Variants in SNX14 observed in about 807,000 individuals in gnomAD.
SNX14 encodes the protein sorting nexin 14, also known as sorting nexin-14.
In SNX14, 93 loss-of-function variants were observed where a neutral mutation model predicts 133.8. That is an observed-to-expected ratio of 0.70 (90% CI 0.59 to 0.83). The LOEUF is 0.83. Ranked by LOEUF, SNX14 falls within the 40% of genes least tolerant of loss-of-function variation. SNX14 has a pLI of 0.00. For missense variants in SNX14, 945 were observed against 1,094.9 expected, an observed-to-expected ratio of 0.86 and a Z score of 1.93; for synonymous variants, 368 against 365.6, an observed-to-expected ratio of 1.01 and a Z score of -0.07.
intron 1 of SNX14, among the ~76,000 whole-genome samples, chr6:85,575,690 T>A (rs768514145): frequency 1.3e-5 from 2 of 152,194 alleles, no homozygotes; most frequent in Non-Finnish European, 1.5e-5. Flanking sequence ...TTCAACAGAT[T>A]CTATGCAGCC....
chr6:85,556,776 G>C (rs2128132550), intron 7 of SNX14, among the ~76,000 whole-genome samples: 2 of 151,972 alleles, frequency 1.3e-5, no homozygotes, highest in African/African-American at 4.8e-5. Context: ...AAACTATGTT[G>C]AAAGTAAAAT....
At chr6:85,526,288 A>G (rs1214088365) in intron 20 of SNX14, 51 bp from the exon 21 acceptor site, 1 of 1,068,128 alleles carries the variant, frequency 9.4e-7, no homozygotes, top group African/African-American at 1.6e-5. Context: ...CTAGAGGAGT[A>G]GTCAAAACTG....
At chr6:85,572,395 G>T (rs1795928309) in intron 2 of SNX14, 21 bp from the exon 3 acceptor site, 3 of 1,558,156 alleles carry the variant, frequency 1.9e-6, no homozygotes, top group Non-Finnish European at 2.6e-6. Context: ...AAAATGAGAG[G>T]TGGTGGGGAG....
intron 1 of SNX14, among the ~76,000 whole-genome samples, chr6:85,592,068 C>A (rs1562033726): frequency 1.3e-5 from 2 of 152,116 alleles, no homozygotes; most frequent in Non-Finnish European, 2.9e-5. Context: ...TCATACTAAA[C>A]CTGTTAGTCT....
Position 85,513,821 on chromosome 6 carries a change from C to T in SNX14, c.2632G>A (p.Glu878Lys). ...KQKGAKQTFEEMMNYIPDLLV... is the reference protein window; with the variant it reads ...KQKGAKQTFEKMMNYIPDLLV... ...ACACCTGGAATGTAATTCATCATTT[C>T]TTCAAAAGTCTGTTTTGCTCCTTTT... The change falls in exon 26 of 29, where the codon GAA (glutamate) becomes AAA (lysine). Residue 878 changes from glutamate (E) to lysine (K), a missense_variant. Coordinates refer to ENST00000314673, the MANE Select transcript of SNX14 (RefSeq NM_153816.6). The T allele has an allele frequency of 6.2e-7, 1 of 1,612,106 alleles. No homozygotes were observed. Among genetic ancestry groups the T allele is most frequent in the Middle Eastern group, 1.7e-4 (1 of 6,050 alleles).
intron 16 of SNX14, 75 bp from the exon 17 acceptor site, chr6:85,536,999 A>T: frequency 7.8e-7 from 1 of 1,276,492 alleles, no homozygotes. Flanking sequence ...AACCATTATT[A>T]AAAAAAAGAA....
chr6:85,593,852 G>C lies in SNX14; in HGVS notation c.-134C>G. 2 of 1,491,754 alleles carry C rather than the reference G, an allele frequency of 1.3e-6. No homozygotes were observed. The allele number at this position is 1,491,754 out of a possible 1,614,324, so 92.4% of individuals were successfully genotyped here. The stretch of plus-strand genomic sequence containing the variant: ...CGCCTACCGGCAGTTAGCCGCCGCA[G>C]GCTGAGGTCGCGTCCGGCTGGGCCC... On this transcript the variant is annotated 5_prime_UTR_variant, in exon 1 of 29. Transcript: ENST00000314673.
chr6:85,510,757 T>C (rs1285794666), intron 26 of SNX14, among the ~76,000 whole-genome samples: 1 of 152,216 alleles, frequency 6.6e-6, no homozygotes, highest in Non-Finnish European at 1.5e-5. Flanking sequence ...TGTAAACTGT[T>C]CCTTTGCTAA....
At chr6:85,514,719 G>T in intron 23 of SNX14, 90 bp from the exon 24 acceptor site, 3 of 1,316,884 alleles carry the variant, frequency 2.3e-6, no homozygotes, top group Non-Finnish European at 3.1e-6. Context: ...CACAGCAAAG[G>T]CATTTAAACT....
chr6:85,559,197 C>T (rs1304553260), intron 6 of SNX14, among the ~76,000 whole-genome samples: 2 of 151,934 alleles, frequency 1.3e-5, no homozygotes, highest in Admixed American at 6.6e-5. Context: ...CTGATAAAAC[C>T]CAGATCAAAC....
At chr6:85,580,726 C>T (rs1281063342) in intron 1 of SNX14, among the ~76,000 whole-genome samples, 1 of 152,152 alleles carries the variant, frequency 6.6e-6, no homozygotes, top group African/African-American at 2.4e-5. Flanking sequence ...GCAGCACTCC[C>T]ATGGGCTTAT....
At chr6:85,572,788 C>G (rs1796085269) in intron 2 of SNX14, among the ~76,000 whole-genome samples, 1 of 151,978 alleles carries the variant, frequency 6.6e-6, no homozygotes, top group South Asian at 2.1e-4. Context: ...AAAACCCTGT[C>G]TCTACAAAAA....
chr6:85,579,728 A>C lies in SNX14; in HGVS notation c.141-5350T>G, dbSNP rs1176403771. ...TGGCCAGAGGGCAACTGCTCATCCC[A>C]GTAGTCCAAACCTGAGTTTCAGCAA... On this transcript the variant is annotated intron_variant, in intron 1 of 28. Coordinates refer to ENST00000314673, the MANE Select transcript of SNX14 (RefSeq NM_153816.6). Among the ~76,000 whole-genome samples the C allele has an allele frequency of 3.3e-5, 5 of 152,350 alleles. No individual in the cohort carries two copies. In the East Asian group the frequency reaches 9.6e-4, roughly 29 times the overall value.
At chr6:85,558,716 A>C (rs756200605) in intron 6 of SNX14, among the ~76,000 whole-genome samples, 26 of 152,216 alleles carry the variant, frequency 1.7e-4, no homozygotes, top group Middle Eastern at 6.8e-3. Flanking sequence ...CACCCACCTC[A>C]GCCTCCCAAC....
intron 4 of SNX14, among the ~76,000 whole-genome samples, chr6:85,569,789 A>C (rs1342264308): frequency 2.6e-5 from 4 of 152,238 alleles, no homozygotes; most frequent in African/African-American, 9.6e-5. Flanking sequence ...TTATACATAG[A>C]TTACATGAAA....
chr6:85,534,117 G>A (rs186166596), intron 17 of SNX14, among the ~76,000 whole-genome samples: 1 of 152,252 alleles, frequency 6.6e-6, no homozygotes, highest in East Asian at 1.9e-4. Flanking sequence ...AGACTAGCCT[G>A]GGAAACACAG....
chr6:85,555,366 C>A (rs1370666086), intron 7 of SNX14, among the ~76,000 whole-genome samples: 8 of 152,004 alleles, frequency 5.3e-5, no homozygotes, highest in Admixed American at 2.6e-4. Context: ...AAACAAAGTG[C>A]GGTATATCCG....
chr6:85,552,089 T>G, intron 7 of SNX14, among the ~76,000 whole-genome samples: 1 of 139,264 alleles, frequency 7.2e-6, no homozygotes. Context: ...CAGGCTGGAG[T>G]GCAGTGGCGG....
At chr6:85,565,187 ATTAC>A in intron 6 of SNX14, 141 bp downstream of exon 6, 1 of 514,538 alleles carries the variant, frequency 1.9e-6, no homozygotes, top group Non-Finnish European at 3.5e-6. Context: ...TGATGTGATT[ATTAC>A]TTACTACATG....
Sources: gnomAD v4.1 joint callset for allele counts (sites outside exome capture counted in the v4.1 genomes callset) on GRCh38, gnomAD v4.1.1 for gene constraint, MANE v1.5 for transcripts, NCBI Gene and HGNC (gene_info 2026-07-23, HGNC 2026-07-21) for gene names.